EXD2: variants seen among roughly 807,000 people sequenced by gnomAD.
EXD2 encodes exonuclease 3'-5' domain-containing protein 2.
Under a neutral mutation model 62.5 loss-of-function variants are expected in EXD2, and 40 were observed. The ratio of observed to expected loss-of-function variants is 0.64; its 90% CI spans 0.50 to 0.83. EXD2 has a LOEUF of 0.83. Ranked by LOEUF, EXD2 falls within the 40% of genes least tolerant of loss-of-function variation. EXD2 has a pLI of 0.00. For synonymous variants in EXD2, 239 were observed against 291.9 expected, an observed-to-expected ratio of 0.82 and a Z score of 1.85; for missense variants, 671 against 761.8, an observed-to-expected ratio of 0.88 and a Z score of 1.40.
At chr14:69,196,698 A>C (rs1231859050) in intron 1 of EXD2, among the ~76,000 whole-genome samples, 1 of 149,946 alleles carries the variant, frequency 6.7e-6, no homozygotes, top group Non-Finnish European at 1.5e-5. Flanking sequence ...ATCAAAGCTT[A>C]CTGCAGCCTC....
intron 5 of EXD2, among the ~76,000 whole-genome samples, chr14:69,231,872 A>G (rs1250059055): frequency 2.0e-5 from 3 of 148,448 alleles, no homozygotes; most frequent in Admixed American, 6.8e-5. Context: ...GGTGGAGTAC[A>G]TTCATAACAG....
chr14:69,213,269 G>A (rs576245919), intron 3 of EXD2, among the ~76,000 whole-genome samples: 24 of 150,912 alleles, frequency 1.6e-4, no homozygotes, highest in Admixed American at 1.3e-3. Context: ...ATTTTGCTGT[G>A]TTGCCCAGGC....
chr14:69,228,895 T>A lies in EXD2; in HGVS notation c.413T>A (p.Leu138Gln). 1 of 1,614,232 alleles carries A rather than the reference T, an allele frequency of 6.2e-7. No individual in the cohort carries two copies. Among genetic ancestry groups the A allele is most frequent in the Non-Finnish European group, 8.5e-7 (1 of 1,180,040 alleles). Residue 138 changes from leucine to glutamine, a missense_variant, in exon 4 of 10, where the codon CTG becomes CAG. Physicochemically the swap from Leu to Gln is moderately radical, Grantham distance 113 (BLOSUM62 -2). Transcript: ENST00000685843. ...AGTGGCCTGTGTGTCTTGGTTCGCCTGCCCAAGCTAATCTGTGGAGGAAAA... is the reference window on the plus strand; with the variant it reads ...AGTGGCCTGTGTGTCTTGGTTCGCCAGCCCAAGCTAATCTGTGGAGGAAAA... ...SPSGLCVLVR[L>Q]PKLICGGKTL...
chr14:69,192,085 C>G (rs1253286298), intron 1 of EXD2: 1 of 152,264 alleles, frequency 6.6e-6, no homozygotes, highest in African/African-American at 2.4e-5. Context: ...CAGACCACAC[C>G]CTGCTCTGGG....
At chr14:69,236,261 G>T in intron 7 of EXD2, 109 bp downstream of exon 7, 2 of 1,502,966 alleles carry the variant, frequency 1.3e-6, no homozygotes, top group African/African-American at 1.4e-5. Context: ...CAGAGAGACC[G>T]TGAGATGCAT....
chr14:69,225,541 G>A (rs1040720821), intron 3 of EXD2, among the ~76,000 whole-genome samples: 11 of 152,084 alleles, frequency 7.2e-5, no homozygotes, highest in East Asian at 3.9e-4. Context: ...TTATATGTGC[G>A]TAATTTATAA....
intron 1 of EXD2, among the ~76,000 whole-genome samples, chr14:69,192,315 T>C (rs2140165274): frequency 6.6e-6 from 1 of 152,336 alleles, no homozygotes; most frequent in East Asian, 1.9e-4. Flanking sequence ...CTTAGTTCTG[T>C]TCCAAGGATA....
At chr14:69,198,533 C>T (rs1158956373) in intron 1 of EXD2, among the ~76,000 whole-genome samples, 1 of 152,206 alleles carries the variant, frequency 6.6e-6, no homozygotes, top group Non-Finnish European at 1.5e-5. Context: ...GATGGCCCCT[C>T]ATGACTTGTC....
chr14:69,194,652 T>C (rs1382692433), intron 1 of EXD2, among the ~76,000 whole-genome samples: 2 of 152,180 alleles, frequency 1.3e-5, no homozygotes, highest in East Asian at 3.9e-4. Context: ...TGGCCTCATG[T>C]GCTCATTTAT....
chr14:69,200,063 G>A (rs1180931848), intron 1 of EXD2, among the ~76,000 whole-genome samples: 1 of 152,154 alleles, frequency 6.6e-6, no homozygotes, highest in African/African-American at 2.4e-5. Context: ...GGATGGCTAT[G>A]ATGTCACTAG....
At chr14:69,202,274 G>C (rs974805249) in intron 1 of EXD2, among the ~76,000 whole-genome samples, 2 of 151,864 alleles carry the variant, frequency 1.3e-5, no homozygotes, top group Non-Finnish European at 2.9e-5. Context: ...TACTTGGGGG[G>C]GTTGAGGTGG....
rs759898502 is a variant in EXD2, at chr14:69,200,003, A to G, written c.-131-3914A>G. ...CTGTAGGTTCGTTAACTCCAGCATA[A>G]TTACACACATTTGTGAGTAACGCAT... On this transcript the variant is annotated intron_variant, in intron 1 of 9. Transcript: ENST00000685843. 7.2e-5 allele frequency among the ~76,000 whole-genome samples: 11 copies of G among 152,356 alleles called. No individual in the cohort carries two copies. The South Asian group carries it at 1.0e-3, about 14-fold the overall frequency.
intron 9 of EXD2, among the ~76,000 whole-genome samples, chr14:69,239,893 C>T (rs754509132): frequency 3.3e-4 from 50 of 152,332 alleles, no homozygotes; most frequent in African/African-American, 1.1e-3. Context: ...TGAGCCACCA[C>T]GCCCAGCTGC....
intron 4 of EXD2, among the ~76,000 whole-genome samples, 193 bp downstream of exon 4, chr14:69,229,265 T>G (rs1000405908): frequency 1.3e-5 from 2 of 152,244 alleles, no homozygotes; most frequent in Non-Finnish European, 2.9e-5. Flanking sequence ...ATTAGCCTTT[T>G]TAGATCAAAC....
At chr14:69,232,639 T>G (rs1045052462) in intron 5 of EXD2, among the ~76,000 whole-genome samples, 18 of 152,242 alleles carry the variant, frequency 1.2e-4, no homozygotes, top group African/African-American at 3.6e-4. Context: ...ATTTCCCTTG[T>G]GACTAATGAT....
At chr14:69,194,023 C>A (rs1194810768) in intron 1 of EXD2, among the ~76,000 whole-genome samples, 2 of 151,380 alleles carry the variant, frequency 1.3e-5, no homozygotes, top group Non-Finnish European at 3.0e-5. Context: ...TCTCCTAAAG[C>A]TCTGTTTTCT....
At chr14:69,210,876 T>G (rs1194365218) in intron 3 of EXD2, among the ~76,000 whole-genome samples, 2 of 152,214 alleles carry the variant, frequency 1.3e-5, no homozygotes, top group African/African-American at 4.8e-5. Context: ...CATTATATCT[T>G]TAAAAAGTAC....
At chr14:69,227,191 C>T (rs1454833592) in intron 3 of EXD2, among the ~76,000 whole-genome samples, 1 of 152,088 alleles carries the variant, frequency 6.6e-6, no homozygotes, top group African/African-American at 2.4e-5. Context: ...TACTAGATGC[C>T]TATGTACTTC....
At chr14:69,192,105 G>T (rs1238534969) in intron 1 of EXD2, 1 of 152,230 alleles carries the variant, frequency 6.6e-6, no homozygotes, top group Admixed American at 6.5e-5. Flanking sequence ...GCCTTGCCGG[G>T]AGCCACCTCT....
Sources: allele counts gnomAD v4.1 joint callset (sites outside exome capture counted in the v4.1 genomes callset), GRCh38; gene constraint gnomAD v4.1.1; transcripts MANE v1.5; gene names NCBI Gene and HGNC (gene_info 2026-07-23, HGNC 2026-07-21).